Variants in SPATA6 observed in about 807,000 individuals in gnomAD.
SPATA6 encodes the protein spermatogenesis associated 6.
Under a neutral mutation model 65.3 loss-of-function variants are expected in SPATA6, and 56 were observed. The ratio of observed to expected loss-of-function variants is 0.86; its 90% confidence interval spans 0.69 to 1.07. The LOEUF is 1.07. Ranked by LOEUF, SPATA6 falls within the 50% of genes least tolerant of loss-of-function variation. SPATA6 has a pLI of 0.00. For missense variants in SPATA6, 590 were observed against 594.8 expected, an observed-to-expected ratio of 0.99 and a Z score of 0.08; for synonymous variants, 199 against 213.2, an observed-to-expected ratio of 0.93 and a Z score of 0.58.
At chr1:48,415,273 A>G (rs564848506) in intron 3 of SPATA6, among the ~76,000 whole-genome samples, 1 of 152,342 alleles carries the variant, frequency 6.6e-6, no homozygotes, top group Admixed American at 6.5e-5. Flanking sequence ...TGCTCACGCA[A>G]GTAGTTTTTG....
chr1:48,343,174 G>C (rs113673083), intron 11 of SPATA6, among the ~76,000 whole-genome samples: 1 of 152,092 alleles, frequency 6.6e-6, no homozygotes, highest in Non-Finnish European at 1.5e-5. Flanking sequence ...ATGAGTCTGG[G>C]ACTCATCTAT....
intron 11 of SPATA6, among the ~76,000 whole-genome samples, chr1:48,353,494 C>A (rs1175788088): frequency 6.8e-6 from 1 of 146,600 alleles, no homozygotes; most frequent in African/African-American, 2.5e-5. Flanking sequence ...ATGACATAAA[C>A]CAAAGAATTG....
chr1:48,270,074 T>C, the SPATA6 span, among the ~76,000 whole-genome samples: 1 of 152,108 alleles, frequency 6.6e-6, no homozygotes, highest in Non-Finnish European at 1.5e-5. Flanking sequence ...TCTTTAAATT[T>C]TTACTGAAAC....
chr1:48,331,624 G>C (rs1645917881), intron 11 of SPATA6, among the ~76,000 whole-genome samples: 1 of 152,168 alleles, frequency 6.6e-6, no homozygotes, highest in South Asian at 2.1e-4. Context: ...GACATGAGGA[G>C]AAAGGAAGCA....
the SPATA6 span, among the ~76,000 whole-genome samples, chr1:48,267,903 C>A: frequency 1.3e-5 from 2 of 151,758 alleles, no homozygotes; most frequent in Non-Finnish European, 2.9e-5. Flanking sequence ...AGGTGCCCGC[C>A]ACCACGCTTG....
At chr1:48,462,499 G>A (rs1380592872) in intron 1 of SPATA6, among the ~76,000 whole-genome samples, 1 of 152,000 alleles carries the variant, frequency 6.6e-6, no homozygotes, top group Non-Finnish European at 1.5e-5. Flanking sequence ...AATACATCAA[G>A]GATAAAGTGA....
At chr1:48,359,402 C>T (rs543730162) in intron 10 of SPATA6, among the ~76,000 whole-genome samples, 184 bp downstream of exon 10, 2 of 152,272 alleles carry the variant, frequency 1.3e-5, no homozygotes, top group East Asian at 3.9e-4. Context: ...ATATAGAGAA[C>T]TGTGCTAGGA....
intron 5 of SPATA6, among the ~76,000 whole-genome samples, chr1:48,405,619 C>T (rs552922091): frequency 6.6e-6 from 1 of 152,268 alleles, no homozygotes; most frequent in East Asian, 1.9e-4. Flanking sequence ...ACTGAGTGTT[C>T]TCATGATGTG....
chr1:48,399,595 A>G lies in SPATA6; in HGVS notation c.536T>C (p.Leu179Pro). The G allele has an allele frequency of 6.2e-7, 1 of 1,611,092 alleles. No individual in the cohort carries two copies. Among genetic ancestry groups the G allele is most frequent in the African/African-American group, 1.3e-5 (1 of 74,848 alleles). Residue 179 changes from leucine to proline, a missense_variant, in exon 7 of 13, where the codon CTG (leucine) becomes CCG (proline). Physicochemically the swap from Leu to Pro is moderately conservative, Grantham distance 98 (BLOSUM62 -3). Transcript: ENST00000371847. ...TTGTGATCTTGATGTTCTGTTTTGC[A>G]GTCTGCCATGTGATTTTTCAACTGG... ...LAPVEKSHGR[L>P]QNRTSRSQKK...
At chr1:48,310,358 G>C (rs564945441) in intron 11 of SPATA6, among the ~76,000 whole-genome samples, 1 of 152,192 alleles carries the variant, frequency 6.6e-6, no homozygotes, top group South Asian at 2.1e-4. Context: ...CCAAAATTTT[G>C]GTTTTCACTG....
At chr1:48,376,516 G>C (rs577628260) in intron 9 of SPATA6, among the ~76,000 whole-genome samples, 1 of 149,686 alleles carries the variant, frequency 6.7e-6, no homozygotes, top group Non-Finnish European at 1.5e-5. Context: ...TTTTTGCCTA[G>C]CTCCTGGAAT....
intron 3 of SPATA6, among the ~76,000 whole-genome samples, chr1:48,432,657 T>G (rs996846435): frequency 1.3e-5 from 2 of 152,132 alleles, no homozygotes; most frequent in Non-Finnish European, 2.9e-5. Context: ...TGTGAAGAAA[T>G]TGGAATCCTT....
chr1:48,373,949 C>G (rs1647594325), intron 9 of SPATA6, among the ~76,000 whole-genome samples: 1 of 152,100 alleles, frequency 6.6e-6, no homozygotes, highest in Admixed American at 6.5e-5. Context: ...CCAAACATAT[C>G]AATGTTTATA....
chr1:48,434,653 T>C (rs554556982), intron 3 of SPATA6, among the ~76,000 whole-genome samples: 4 of 152,178 alleles, frequency 2.6e-5, no homozygotes, highest in East Asian at 3.9e-4. Flanking sequence ...AGGCAGTACA[T>C]TTGTGGCAGT....
intron 3 of SPATA6, among the ~76,000 whole-genome samples, chr1:48,428,762 T>A (rs914079557): frequency 6.9e-6 from 1 of 144,192 alleles, no homozygotes; most frequent in South Asian, 2.4e-4. Context: ...CGGTCAACTG[T>A]ATAGGTGTAT....
At chr1:48,417,755 C>T (rs189634314) in intron 3 of SPATA6, among the ~76,000 whole-genome samples, 3 of 150,748 alleles carry the variant, frequency 2.0e-5, no homozygotes, top group East Asian at 3.9e-4. Context: ...ACCTGGGAGA[C>T]GGAGGTTGCA....
the SPATA6 span, among the ~76,000 whole-genome samples, chr1:48,287,733 G>A: frequency 6.6e-6 from 1 of 152,284 alleles, no homozygotes; most frequent in South Asian, 2.1e-4. Context: ...TGTACAGCCT[G>A]CAGAAACATG....
At chr1:48,375,127 C>G (rs1647734437) in intron 9 of SPATA6, among the ~76,000 whole-genome samples, 1 of 152,140 alleles carries the variant, frequency 6.6e-6, no homozygotes, top group South Asian at 2.1e-4. Context: ...CCTCTCTCTT[C>G]AGGGATCTCT....
chr1:48,349,341 T>C (rs926202912), intron 11 of SPATA6, among the ~76,000 whole-genome samples: 8 of 152,022 alleles, frequency 5.3e-5, no homozygotes, highest in Non-Finnish European at 1.0e-4. Flanking sequence ...TAGAATATAG[T>C]GACTATGTAG....
Sources: allele counts gnomAD v4.1 joint callset (sites outside exome capture counted in the v4.1 genomes callset), GRCh38; gene constraint gnomAD v4.1.1; transcripts MANE v1.5; gene names NCBI Gene and HGNC (gene_info 2026-07-23, HGNC 2026-07-21).